The following GCSAM variants were observed in gnomAD, a reference collection of about 807,000 sequenced individuals.
GCSAM encodes germinal center-associated signaling and motility protein.
A neutral mutation model predicts 17.6 loss-of-function variants in GCSAM; 8 were observed. The ratio of observed to expected loss-of-function variants is 0.46; its 90% CI spans 0.27 to 0.82. The LOEUF (loss-of-function observed/expected upper bound fraction) is 0.82. Among genes scored for constraint, GCSAM ranks in the 40% least tolerant of loss-of-function variants. The pLI is 0.15. For missense variants in GCSAM, 192 were observed against 213.5 expected (o/e 0.90, Z 0.63); for synonymous variants, 68 against 69.0 (o/e 0.98, Z 0.07).
rs574828437 is a variant in GCSAM at position 112,121,719 on chromosome 3, T to C, written c.*1736A>G. The C allele has an allele frequency of 6.6e-6, 1 of 152,360 alleles. No individual in the cohort carries two copies. The highest frequency in any genetic ancestry group is 6.5e-5 in the Admixed American group (1 of 15,300). 9.4% of individuals were successfully genotyped at this position (152,360 alleles called of 1,614,324 possible). A position where few individuals can be genotyped will look rare whatever the true frequency, so the allele number is the denominator to read the frequency against. ...GTTAGCAGAGGAAGAGATACCAAGA[T>C]GCAGCTGGCTCTTTAGCTGAAGACC... On this transcript the variant is annotated 3_prime_UTR_variant, in exon 6 of 6. Coordinates refer to ENST00000308910, the MANE Select transcript of GCSAM (RefSeq NM_152785.5).
chr3:112,130,925 C>T (rs1431069190), intron 1 of GCSAM: 3 of 171,460 alleles, frequency 1.7e-5, no homozygotes, highest in African/African-American at 7.1e-5. Flanking sequence ...GTAAATCACA[C>T]CATCTTTCAC....
intron 5 of GCSAM, 130 bp from the exon 6 acceptor site, chr3:112,123,902 A>AT (rs2074252175): frequency 3.2e-6 from 3 of 928,880 alleles, no homozygotes; most frequent in Non-Finnish European, 4.8e-6. Flanking sequence ...TCTCTTGGCC[A>AT]TTTTTTTCTA....
In GCSAM at chr3:112,121,616, A is replaced by G. The variant is rs1044524697; in HGVS notation, c.*1839T>C. 3 of 152,216 alleles carry G rather than the reference A, an allele frequency of 2.0e-5. No homozygotes were observed. The highest frequency in any genetic ancestry group is 1.3e-4 in the Admixed American group (2 of 15,284). 9.4% of individuals were successfully genotyped at this position (152,216 alleles called of 1,614,324 possible). A position where few individuals can be genotyped will look rare whatever the true frequency, so the allele number is the denominator to read the frequency against. On this transcript the variant is annotated 3_prime_UTR_variant, in exon 6 of 6. Transcript: ENST00000308910. The stretch of plus-strand genomic sequence containing the variant: ...TTGTACAATATCCACTGCTAACTGA[A>G]TATTTCCTTTTGAGGATCTGATCCT...
chr3:112,132,930 G>C (rs1014588108), intron 1 of GCSAM, 162 bp downstream of exon 1: 1 of 643,048 alleles, frequency 1.6e-6, no homozygotes, highest in African/African-American at 1.9e-5. Flanking sequence ...ATTTAATGTG[G>C]TATCTGGCAC....
At chr3:112,132,867 T>G (rs1385748466) in intron 1 of GCSAM, 1 of 505,026 alleles carries the variant, frequency 2.0e-6, no homozygotes, top group Non-Finnish European at 3.4e-6. Context: ...CTTTCAGCTA[T>G]TCTCCATCAG....
Position 112,123,691 on chromosome 3 carries a change from T to C in GCSAM, c.301A>G (p.Asn101Asp). 3.1e-6 allele frequency: 5 copies of C among 1,614,128 alleles called. No homozygotes were observed. The highest frequency in any genetic ancestry group is 4.2e-6 in the Non-Finnish European group (5 of 1,179,998). ...TTCTCATAGTACTCTTCAGCAGAGTTCCCTGATGGCCTTGTACAGAGAACC... is the reference window on the plus strand; with the variant it reads ...TTCTCATAGTACTCTTCAGCAGAGTCCCCTGATGGCCTTGTACAGAGAACC... ...HRVLCTRPSG[N>D]SAEEYYENVP... The change falls in exon 6 of 6, where the codon AAC becomes GAC. Residue 101 changes from asparagine to aspartate, a missense_variant. Physicochemically the swap from Asn to Asp is conservative, Grantham distance 23 (BLOSUM62 1). Transcript: ENST00000308910.
In GCSAM at chr3:112,123,502, G is replaced by A. The variant is rs1386549490; in HGVS notation, c.490C>T (p.Pro164Ser). 2 of 1,614,158 alleles carry A rather than the reference G, an allele frequency of 1.2e-6. No homozygotes were observed. ...TCAGAAGGGGCCATAAGTGGACGTGGCTGTTGCAGAAAGTGAGAGGAGATT... is the reference window on the plus strand; with the variant it reads ...TCAGAAGGGGCCATAAGTGGACGTGACTGTTGCAGAAAGTGAGAGGAGATT... ...HRISSHFLQQ[P>S]RPLMAPSETQ... is the part of the protein sequence containing the mutation. The change falls in exon 6 of 6, where the codon CCA (proline) becomes TCA (serine). Residue 164 changes from proline (P) to serine (S), a missense_variant. Coordinates refer to ENST00000308910, the MANE Select transcript of GCSAM (RefSeq NM_152785.5).
chr3:112,124,341 G>A (rs1304830207), intron 5 of GCSAM, among the ~76,000 whole-genome samples: 2 of 152,144 alleles, frequency 1.3e-5, no homozygotes, highest in South Asian at 2.1e-4. Flanking sequence ...GGGCACGGTG[G>A]CTCACACTTG....
rs540124732 is a variant in GCSAM at position 112,123,295 on chromosome 3, G to A, written c.*160C>T. On this transcript the variant is annotated 3_prime_UTR_variant, in exon 6 of 6. Transcript: ENST00000308910. ...TTGATCTTTAGATTTTGGCTTTTGC[G>A]TGCTAAGAGGGCTTGTGGTATACAA... 2.0e-5 allele frequency: 27 copies of A among 1,376,588 alleles called. No homozygotes were observed. Among genetic ancestry groups the A allele is most frequent in the South Asian group, 9.1e-5 (6 of 66,042 alleles). The allele number at this position is 1,376,588 out of a possible 1,614,324, so 85.3% of individuals were successfully genotyped here. A position where few individuals can be genotyped will look rare whatever the true frequency, so the allele number is the denominator to read the frequency against.
chr3:112,123,448 C>T lies in GCSAM; in HGVS notation c.*7G>A, dbSNP rs1186056420. 1 of 1,612,444 alleles carries T rather than the reference C, an allele frequency of 6.2e-7. No individual in the cohort carries two copies. The highest frequency in any genetic ancestry group is 8.5e-7 in the Non-Finnish European group (1 of 1,179,172). On this transcript the variant is annotated 3_prime_UTR_variant, in exon 6 of 6. Transcript: ENST00000308910. The stretch of plus-strand genomic sequence containing the variant: ...GGTGCTAAACAAATGCTAGTCCAGC[C>T]ACTTCACTATAAATGGGAAAACTGA...
chr3:112,123,894 T>C, intron 5 of GCSAM, 122 bp from the exon 6 acceptor site: 1 of 1,028,942 alleles, frequency 9.7e-7, no homozygotes, highest in Non-Finnish European at 1.4e-6. Context: ...CCTCCCCATC[T>C]CTTGGCCATT....
Position 112,133,201 on chromosome 3 carries a change from C to G in GCSAM, c.-81G>C. The G allele has an allele frequency of 6.6e-7, 1 of 1,510,244 alleles. No individual in the cohort carries two copies. The highest frequency in any genetic ancestry group is 9.2e-7 in the Non-Finnish European group (1 of 1,086,570). The allele number at this position is 1,510,244 out of a possible 1,614,324, so 93.6% of individuals were successfully genotyped here. ...TGTGCTCTGACAGGGCAACTCCTGACTTAAAGAAAGGGCTGTGTGGCTCTG... is the reference window on the plus strand; with the variant it reads ...TGTGCTCTGACAGGGCAACTCCTGAGTTAAAGAAAGGGCTGTGTGGCTCTG... On this transcript the variant is annotated 5_prime_UTR_variant, in exon 1 of 6. Coordinates refer to ENST00000308910, the MANE Select transcript of GCSAM (RefSeq NM_152785.5).
Position 112,133,133 on chromosome 3 carries a change from CT to C in GCSAM, c.-14del. On this transcript the variant is annotated 5_prime_UTR_variant, in exon 1 of 6. Coordinates refer to ENST00000308910, the MANE Select transcript of GCSAM (RefSeq NM_152785.5). Reference sequence around the variant, plus strand: ...GAGAATTTCCCATCCTCTCAGTCCTCTCAGGGCTTCCCCTCCGTCCCTTTAC... The same window carrying C: ...GAGAATTTCCCATCCTCTCAGTCCTCCAGGGCTTCCCCTCCGTCCCTTTAC... 1 of 1,613,876 alleles carries C rather than the reference CT, an allele frequency of 6.2e-7. No individual in the cohort carries two copies. The highest frequency in any genetic ancestry group is 1.3e-5 in the African/African-American group (1 of 75,058).
In GCSAM at chr3:112,124,831, G is replaced by A. The variant is rs573494818; in HGVS notation, c.219+395C>T. ...AGACTTGGTTTTGAATCCTGGTTCC[G>A]CCCCCTTTTAGCTATTTGGCTTTGG... On this transcript the variant is annotated intron_variant, in intron 5 of 5. Coordinates refer to ENST00000308910, the MANE Select transcript of GCSAM (RefSeq NM_152785.5). 7.9e-5 allele frequency among the ~76,000 whole-genome samples: 12 copies of A among 152,162 alleles called. No homozygotes were observed. In the South Asian group the frequency reaches 8.3e-4, roughly 11 times the overall value.
Position 112,122,618 on chromosome 3 carries a change from G to A in GCSAM, c.*837C>T, listed in dbSNP as rs979869226. On this transcript the variant is annotated 3_prime_UTR_variant, in exon 6 of 6. Coordinates refer to ENST00000308910, the MANE Select transcript of GCSAM (RefSeq NM_152785.5). ...TTTAGTATACATTTAATATATTGCA[G>A]AGGGCTTTCTATTTAGCATACTGGG... The A allele has an allele frequency of 3.9e-5, 6 of 152,058 alleles. No individual in the cohort carries two copies. Among genetic ancestry groups the A allele is most frequent in the African/African-American group, 1.5e-4 (6 of 41,376 alleles). The allele number at this position is 152,058 out of a possible 1,614,324, so 9.4% of individuals were successfully genotyped here.
chr3:112,127,009 C>A lies in GCSAM; in HGVS notation c.168G>T (p.Lys56Asn), dbSNP rs150928109. ...LPWKKILIFE[K>N]RQDSQNENER... is the part of the protein sequence containing the mutation. ...TACTTTCGTTTTGGGAATCTTGCCT[C>A]TTTTCAAAAATGAGTATTTTTTTCC... Residue 56 changes from lysine (K) to asparagine (N), a missense_variant, in exon 4 of 6, where the codon AAG (lysine) becomes AAT (asparagine). Coordinates refer to ENST00000308910, the MANE Select transcript of GCSAM (RefSeq NM_152785.5). 15 of 1,589,870 alleles carry A rather than the reference C, an allele frequency of 9.4e-6. No homozygotes were observed. Among genetic ancestry groups the A allele is most frequent in the Non-Finnish European group, 1.2e-5 (14 of 1,162,472 alleles).
At chr3:112,131,329 C>G (rs2074445908) in intron 1 of GCSAM, among the ~76,000 whole-genome samples, 2 of 152,134 alleles carry the variant, frequency 1.3e-5, no homozygotes, top group African/African-American at 2.4e-5. Context: ...CCATTCTATT[C>G]TGTGCAAAAT....
chr3:112,127,184 A>T (rs1369255193), intron 3 of GCSAM, 151 bp from the exon 4 acceptor site: 1 of 543,224 alleles, frequency 1.8e-6, no homozygotes. Context: ...GTAAAAAAGA[A>T]AAAAGTAAAA....
chr3:112,127,426 A>G (rs2107806851), intron 3 of GCSAM, among the ~76,000 whole-genome samples: 1 of 152,284 alleles, frequency 6.6e-6, no homozygotes, highest in South Asian at 2.1e-4. Context: ...AAAACAAACA[A>G]ACAAATAAAC....
Sources: gnomAD v4.1 joint callset for allele counts (sites outside exome capture counted in the v4.1 genomes callset) on GRCh38, gnomAD v4.1.1 for gene constraint, MANE v1.5 for transcripts, NCBI Gene and HGNC (gene_info 2026-07-23, HGNC 2026-07-21) for gene names.